The following ACTN1 variants were observed in gnomAD, a reference collection of about 807,000 sequenced individuals.
The protein encoded by ACTN1 is alpha-actinin-1.
Under a neutral mutation model 119.6 loss-of-function variants are expected in ACTN1, and 30 were observed. The ratio of observed to expected loss-of-function variants is 0.25; its 90% CI spans 0.19 to 0.34. The LOEUF is 0.34. ACTN1 is among the 10% of genes least tolerant of loss of function. The pLI is 1.00. For missense variants in ACTN1, 764 were observed against 1,223.4 expected (o/e 0.62, Z 5.60); for synonymous variants, 429 against 472.6 (o/e 0.91, Z 1.20).
chr14:68,878,013 G>A lies in ACTN1; in HGVS notation c.2427+445C>T, dbSNP rs977189274. ...GTGCAAGGGGGGACAGACTAGGAAG[G>A]TTGGGGGGTGGGGGACGGCCTGGGA... is the stretch of plus-strand genomic sequence containing the variant. On this transcript the variant is annotated intron_variant, in intron 20 of 21. Coordinates refer to ENST00000394419, the MANE Select transcript of ACTN1 (RefSeq NM_001130004.2). This position sits in a 1 kb window ranked among gnomAD's most constrained non-coding sequence, Gnocchi z 4.4. 9.3e-5 allele frequency: 16 copies of A among 172,610 alleles called. No homozygotes were observed. The highest frequency in any genetic ancestry group is 2.9e-4 in the South Asian group (2 of 6,950). The allele number at this position is 172,610 out of a possible 1,614,324, so 10.7% of individuals were successfully genotyped here. A position where few individuals can be genotyped will look rare whatever the true frequency, so the allele number is the denominator to read the frequency against.
chr14:68,953,320 C>T (rs1049496097), intron 1 of ACTN1, among the ~76,000 whole-genome samples: 2 of 152,166 alleles, frequency 1.3e-5, no homozygotes, highest in East Asian at 1.9e-4. Context: ...CAGCTAAAGG[C>T]CCAAACCACT....
chr14:68,883,305 C>T (rs559015227), intron 14 of ACTN1: 232 of 474,336 alleles, frequency 4.9e-4, no homozygotes, highest in Admixed American at 6.4e-4. Flanking sequence ...CACCACCTCA[C>T]AGGTCAGGGA....
At chr14:68,960,444 C>T (rs1473757563) in intron 1 of ACTN1, among the ~76,000 whole-genome samples, 1 of 152,114 alleles carries the variant, frequency 6.6e-6, no homozygotes, top group African/African-American at 2.4e-5. Flanking sequence ...ACATGTCTAT[C>T]AAATCATCAC....
At chr14:68,930,741 G>A (rs1229609888) in intron 1 of ACTN1, among the ~76,000 whole-genome samples, 2 of 152,210 alleles carry the variant, frequency 1.3e-5, no homozygotes, top group Non-Finnish European at 2.9e-5. Context: ...AATGGGGGTA[G>A]TAATAGCACC....
chr14:68,966,450 C>T (rs182001749), intron 1 of ACTN1, among the ~76,000 whole-genome samples: 1 of 152,276 alleles, frequency 6.6e-6, no homozygotes, highest in African/African-American at 2.4e-5. Context: ...AAAGTGGCCA[C>T]AGGCAGCACT....
At chr14:68,978,249 G>A in intron 1 of ACTN1, 2 of 455,760 alleles carry the variant, frequency 4.4e-6, no homozygotes, top group Non-Finnish European at 8.8e-6. Context: ...AGGACGTAGC[G>A]CAAGCCCATG....
At chr14:68,897,826 GTGA>G (rs2032990923) in intron 8 of ACTN1, among the ~76,000 whole-genome samples, 1 of 152,234 alleles carries the variant, frequency 6.6e-6, no homozygotes, top group Non-Finnish European at 1.5e-5. Context: ...GCCAGGGTGG[GTGA>G]CCAGGCAGAG....
intron 3 of ACTN1, among the ~76,000 whole-genome samples, chr14:68,919,642 G>C (rs944285213): frequency 3.9e-5 from 6 of 152,210 alleles, no homozygotes; most frequent in African/African-American, 1.4e-4. Flanking sequence ...CACAGCTGGT[G>C]GGGGAGATGC....
intron 3 of ACTN1, among the ~76,000 whole-genome samples, chr14:68,918,229 T>C (rs2034424156): frequency 6.6e-6 from 1 of 152,198 alleles, no homozygotes; most frequent in South Asian, 2.1e-4. Flanking sequence ...TCCTCACCCC[T>C]GAGGCCAGCA....
chr14:68,974,552 T>TCACACACA (rs5809408), intron 1 of ACTN1, among the ~76,000 whole-genome samples: 5 of 149,800 alleles, frequency 3.3e-5, no homozygotes, highest in East Asian at 3.9e-4. Context: ...TCCTACAACA[T>TCACACACA]CACACACACA....
chr14:68,899,597 C>T (rs2033172852), intron 8 of ACTN1, among the ~76,000 whole-genome samples: 1 of 152,040 alleles, frequency 6.6e-6, no homozygotes, highest in African/African-American at 2.4e-5. Flanking sequence ...ACCACACACT[C>T]CTCAGAACCC....
chr14:68,903,630 C>A (rs1462940733), intron 7 of ACTN1, among the ~76,000 whole-genome samples: 1 of 152,080 alleles, frequency 6.6e-6, no homozygotes, highest in African/African-American at 2.4e-5. Flanking sequence ...CCTTTCTAGC[C>A]CTTCAGCACT....
chr14:68,978,486 C>G, intron 1 of ACTN1: 1 of 324,728 alleles, frequency 3.1e-6, no homozygotes. Flanking sequence ...GCCCGCCGCT[C>G]AGGTTGAACC....
At chr14:68,936,566 T>TA (rs2035527093) in intron 1 of ACTN1, 2 of 486,948 alleles carry the variant, frequency 4.1e-6, no homozygotes, top group Admixed American at 3.2e-5. Context: ...GAGGAACTGT[T>TA]ACGGGAATTG....
rs769803234 is a variant in ACTN1 at position 68,893,709 on chromosome 14, G to A, written c.801C>T (p.Ala267=). The stretch of plus-strand genomic sequence containing the variant: ...TAAGCTGCTCGTTCTCCTGGTTGAC[G>A]GCCAACACCTTGCAGATGCGATTGG... ...TAANRICKVL[A]VNQENEQLME... is the part of the protein sequence containing the mutation. Residue 267 remains alanine (A), a synonymous_variant, in exon 9 of 22, where the codon GCC becomes GCT. Coordinates refer to ENST00000394419, the MANE Select transcript of ACTN1 (RefSeq NM_001130004.2). The A allele has an allele frequency of 1.3e-5, 21 of 1,613,934 alleles. No homozygotes were observed. Among genetic ancestry groups the A allele is most frequent in the Middle Eastern group, 1.6e-4 (1 of 6,084 alleles).
intron 7 of ACTN1, among the ~76,000 whole-genome samples, chr14:68,903,195 A>G (rs1413838274): frequency 6.6e-6 from 1 of 152,200 alleles, no homozygotes; most frequent in Non-Finnish European, 1.5e-5. Flanking sequence ...GGATGATGGA[A>G]ATAGGAAAGG....
intron 4 of ACTN1, among the ~76,000 whole-genome samples, chr14:68,911,156 T>C (rs1352571416): frequency 6.6e-6 from 1 of 152,180 alleles, no homozygotes; most frequent in Non-Finnish European, 1.5e-5. Context: ...ACAAAGACCA[T>C]AACCACCTAA....
chr14:68,912,065 G>T, intron 4 of ACTN1, 91 bp downstream of exon 4: 3 of 1,170,320 alleles, frequency 2.6e-6, no homozygotes, highest in Non-Finnish European at 3.8e-6. Flanking sequence ...CCTGATCAAC[G>T]TCCGTTGCCC....
intron 3 of ACTN1, among the ~76,000 whole-genome samples, chr14:68,915,897 C>CCAGCT (rs2034266766): frequency 6.6e-6 from 1 of 152,188 alleles, no homozygotes; most frequent in Non-Finnish European, 1.5e-5. Context: ...GCCTGCAATC[C>CCAGCT]CAGCTACTCG....
Sources: allele counts gnomAD v4.1 joint callset (sites outside exome capture counted in the v4.1 genomes callset), GRCh38; gene constraint gnomAD v4.1.1; non-coding constraint Gnocchi (gnomAD v3.1); transcripts MANE v1.5; gene names NCBI Gene and HGNC (gene_info 2026-07-23, HGNC 2026-07-21).